The following JMJD6 variants were observed in gnomAD, a reference collection of about 807,000 sequenced individuals.
JMJD6 encodes jumonji domain containing 6, arginine demethylase and lysine hydroxylase.
A neutral mutation model predicts 45.8 loss-of-function variants in JMJD6; 17 were observed. The ratio of observed to expected loss-of-function variants is 0.37; its 90% CI spans 0.25 to 0.56. The LOEUF (loss-of-function observed/expected upper bound fraction) is 0.56, where lower values mean the gene tolerates loss of function less well. JMJD6 is among the 20% of genes least tolerant of loss of function. The pLI is 0.79. For missense variants in JMJD6, 470 were observed against 517.5 expected, an observed-to-expected ratio of 0.91 and a Z score of 0.89; for synonymous variants, 221 against 196.3, an observed-to-expected ratio of 1.13 and a Z score of -1.05.
At chr17:76,722,333 A>G (rs758619518) in intron 3 of JMJD6, among the ~76,000 whole-genome samples, 1 of 152,244 alleles carries the variant, frequency 6.6e-6, no homozygotes. Context: ...TACTTTAAAT[A>G]CACTTACCTT....
chr17:76,715,045 G>A (rs2076754574), downstream of JMJD6: 1 of 152,096 alleles, frequency 6.6e-6, no homozygotes. Flanking sequence ...GAGCCTTTTT[G>A]GGCTGTTTTT....
intron 5 of JMJD6, among the ~76,000 whole-genome samples, chr17:76,720,143 C>A (rs2076804849): frequency 6.6e-6 from 1 of 152,190 alleles, no homozygotes; most frequent in Admixed American, 6.5e-5. Flanking sequence ...GAAACTCAGT[C>A]TCCAAACAAA....
At chr17:76,721,042 C>A (rs2076817682) in intron 4 of JMJD6, among the ~76,000 whole-genome samples, 1 of 152,210 alleles carries the variant, frequency 6.6e-6, no homozygotes, top group Non-Finnish European at 1.5e-5. Context: ...CAGCAGCCCT[C>A]CCCTTCAGAA....
intron 2 of JMJD6, among the ~76,000 whole-genome samples, chr17:76,724,753 G>A (rs1172767003): frequency 6.6e-6 from 1 of 151,816 alleles, no homozygotes. Flanking sequence ...GGAGGCGGAG[G>A]CTGCAGTGAG....
chr17:76,717,216 G>GTA (rs1166493331), downstream of JMJD6, among the ~76,000 whole-genome samples: 1 of 152,086 alleles, frequency 6.6e-6, no homozygotes, highest in Non-Finnish European at 1.5e-5. Context: ...ATTAAAACAT[G>GTA]TATATATATA....
At chr17:76,722,408 G>A (rs778234653) in intron 3 of JMJD6, among the ~76,000 whole-genome samples, 6 of 152,198 alleles carry the variant, frequency 3.9e-5, no homozygotes, top group Non-Finnish European at 5.9e-5. Context: ...CACGGACAGT[G>A]CTATACTGCA....
chr17:76,719,875 A>G (rs1305161132), intron 5 of JMJD6, among the ~76,000 whole-genome samples: 2 of 152,184 alleles, frequency 1.3e-5, no homozygotes, highest in East Asian at 1.9e-4. Flanking sequence ...TAATCCCAGC[A>G]CTTTGGGAGG....
intron 3 of JMJD6, 80 bp from the exon 4 acceptor site, chr17:76,722,013 G>A (rs763963505): frequency 2.0e-6 from 3 of 1,492,852 alleles, no homozygotes; most frequent in Non-Finnish European, 2.7e-6. Flanking sequence ...CAGAAATTGG[G>A]AACTCCTACC....
chr17:76,716,248 T>A (rs1297837826), downstream of JMJD6: 1 of 167,676 alleles, frequency 6.0e-6, no homozygotes, highest in African/African-American at 2.4e-5. Flanking sequence ...AAGGGCAGAC[T>A]CCAAGTCCTT....
chr17:76,715,244 A>C (rs58856914), downstream of JMJD6: 1 of 152,226 alleles, frequency 6.6e-6, no homozygotes, highest in East Asian at 1.9e-4. Flanking sequence ...GAGATTATAC[A>C]TTCAGAGTTT....
At position 76,724,012 on chromosome 17, in the gene JMJD6, C is replaced by T. The variant is rs2076862817; in HGVS notation, c.565G>A (p.Asp189Asn). ...TTCCAGGCACTGGTTCCCAGAGGGTCGATGTGAATCCCAGTTCCGGAGCGT... is the reference window on the plus strand; with the variant it reads ...TTCCAGGCACTGGTTCCCAGAGGGTTGATGTGAATCCCAGTTCCGGAGCGT... ...PPRSGTGIHI[D>N]PLGTSAWNAL... Residue 189 changes from aspartate (D) to asparagine (N), a missense_variant, in exon 3 of 6, where the codon GAC (aspartate) becomes AAC (asparagine). Around this residue, in one of 4 missense-constraint regions of JMJD6, gnomAD observed 346 missense variants for 339.5 expected, o/e 1.02. Transcript: ENST00000397625. 1.2e-6 allele frequency: 2 copies of T among 1,614,038 alleles called. No individual in the cohort carries two copies. The highest frequency in any genetic ancestry group is 1.1e-5 in the South Asian group (1 of 91,070).
chr17:76,725,013 A>T (rs905279952), intron 2 of JMJD6, among the ~76,000 whole-genome samples: 14 of 152,192 alleles, frequency 9.2e-5, no homozygotes, highest in Non-Finnish European at 1.9e-4. Context: ...GGCAGGCCTC[A>T]GGAGCCCCCT....
At chr17:76,717,087 G>A (rs2076770630), downstream of JMJD6, among the ~76,000 whole-genome samples, 1 of 152,126 alleles carries the variant, frequency 6.6e-6, no homozygotes, top group Non-Finnish European at 1.5e-5. Context: ...AGGGCTGCGG[G>A]TCCTGCACTT....
chr17:76,721,255 T>C, intron 4 of JMJD6: 1 of 402,784 alleles, frequency 2.5e-6, no homozygotes, highest in Non-Finnish European at 5.2e-6. Context: ...CCAGAATCCC[T>C]CTCTTACCCC....
chr17:76,724,800 G>A (rs1486337050), intron 2 of JMJD6, among the ~76,000 whole-genome samples: 4 of 151,436 alleles, frequency 2.6e-5, no homozygotes, highest in Non-Finnish European at 4.4e-5. Context: ...TTGGACGACA[G>A]AGGGAGACTC....
rs1019870429 is a variant in JMJD6, at chr17:76,726,374, G to A, written c.102C>T (p.Ser34=). ...CCACGGCCGCCGGGCTCAGCGAGAA[G>A]CTCTCGTAGTAGTTGTGCCGGGTCC... ...LDWTRHNYYE[S]FSLSPAAVAD... The change falls in exon 1 of 6, where the codon AGC becomes AGT. Residue 34 remains serine, a synonymous_variant. Coordinates refer to ENST00000397625, the MANE Select transcript of JMJD6 (RefSeq NM_015167.3). The A allele has an allele frequency of 2.5e-6, 4 of 1,599,236 alleles. No individual in the cohort carries two copies. Among genetic ancestry groups the A allele is most frequent in the South Asian group, 2.2e-5 (2 of 89,252 alleles).
downstream of JMJD6, chr17:76,716,251 A>G: frequency 5.9e-6 from 1 of 168,462 alleles, no homozygotes; most frequent in South Asian, 1.2e-4. Context: ...GGCAGACTCC[A>G]AGTCCTTCCG....
chr17:76,725,845 T>C lies in JMJD6; in HGVS notation c.140A>G (p.Glu47Gly), dbSNP rs1268282797. The C allele has an allele frequency of 6.2e-7, 1 of 1,606,234 alleles. No homozygotes were observed. Among genetic ancestry groups the C allele is most frequent in the Non-Finnish European group, 8.5e-7 (1 of 1,177,592 alleles). ...LSPAAVADNVERADALQLSVE... is the reference protein window; with the variant it reads ...LSPAAVADNVGRADALQLSVE... ...AGACAGCTGTAAAGCATCTGCCCTTTCCACGTTATCCTGAGGGAATTAAAA... is the reference window on the plus strand; with the variant it reads ...AGACAGCTGTAAAGCATCTGCCCTTCCCACGTTATCCTGAGGGAATTAAAA... The change falls in exon 2 of 6, where the codon GAA (glutamate) becomes GGA (glycine). Residue 47 changes from glutamate (E) to glycine (G), a missense_variant. Glu to Gly is a moderately conservative substitution (Grantham distance 98, BLOSUM62 -2). This residue lies in a region of JMJD6 where 346 missense variants were observed against 339.5 expected (regional missense o/e 1.02). Transcript: ENST00000397625.
At position 76,721,874 on chromosome 17, in the gene JMJD6, CA is replaced by C. The variant is rs1267420679; in HGVS notation, c.864del (p.Phe288LeufsTer15). On this transcript the variant is annotated frameshift_variant, in exon 4 of 6. Transcript: ENST00000397625. LOFTEE classifies it high-confidence loss of function. ...ACCACAGGGAAGTTGGTGCTGCTGGCAAAATTTTGGGTGATGGCGATAGTAG... is the reference window on the plus strand; with the variant it reads ...ACCACAGGGAAGTTGGTGCTGCTGGCAAATTTTGGGTGATGGCGATAGTAG... ...LDTTIAITQNFASSTNFPVVW... is the reference protein window; with the variant it reads ...LDTTIAITQNXASSTNFPVVW... 1.2e-6 allele frequency: 2 copies of C among 1,614,172 alleles called. No homozygotes were observed. Among genetic ancestry groups the C allele is most frequent in the South Asian group, 1.1e-5 (1 of 91,082 alleles).
Sources: gnomAD v4.1 joint callset for allele counts (sites outside exome capture counted in the v4.1 genomes callset) on GRCh38, gnomAD v4.1.1 for gene constraint, gnomAD v4.1.1 regional missense constraint, MANE v1.5 for transcripts, NCBI Gene and HGNC (gene_info 2026-07-23, HGNC 2026-07-21) for gene names.